SLC22A23: variants seen among roughly 807,000 people sequenced by gnomAD.
SLC22A23 encodes ion transporter protein.
In SLC22A23, 26 loss-of-function variants were observed where a neutral mutation model predicts 61.0. The ratio of observed to expected loss-of-function variants is 0.43; its 90% CI spans 0.31 to 0.59. SLC22A23 has a LOEUF of 0.59. SLC22A23 is among the 20% of genes least tolerant of loss of function. The pLI, the probability that SLC22A23 is intolerant of heterozygous loss-of-function variation, is 0.11. For synonymous variants in SLC22A23, 430 were observed against 413.9 expected (o/e 1.04, Z -0.47); for missense variants, 796 against 934.7 (o/e 0.85, Z 1.94).
At chr6:3,449,245 C>T (rs1392366630) in intron 1 of SLC22A23, among the ~76,000 whole-genome samples, 1 of 152,118 alleles carries the variant, frequency 6.6e-6, no homozygotes, top group African/African-American at 2.4e-5. Context: ...AGGATTTCCC[C>T]CCAGTCTTCC....
intron 8 of SLC22A23, 84 bp downstream of exon 8, chr6:3,284,995 C>T: frequency 6.4e-7 from 1 of 1,566,410 alleles, no homozygotes; most frequent in Non-Finnish European, 8.7e-7. Context: ...AAAATGGAAA[C>T]CACAGGTCCG....
rs576387737 is a variant in SLC22A23 at position 3,270,848 on chromosome 6, A to T, written c.*2207T>A. 3.3e-5 allele frequency: 5 copies of T among 149,878 alleles called. No homozygotes were observed. The East Asian group carries it at 7.7e-4, about 23-fold the overall frequency. The allele number at this position is 149,878 out of a possible 1,614,324, so 9.3% of individuals were successfully genotyped here. A position where few individuals can be genotyped will look rare whatever the true frequency, so the allele number is the denominator to read the frequency against. Reference sequence around the variant, plus strand: ...AGCTTCAATTTCCAAAAAAAAAAAAAAGTTTACACGACCAGTGAGACTGCT... The same window carrying T: ...AGCTTCAATTTCCAAAAAAAAAAAATAGTTTACACGACCAGTGAGACTGCT... On this transcript the variant is annotated 3_prime_UTR_variant, in exon 10 of 10. Coordinates refer to ENST00000406686, the MANE Select transcript of SLC22A23 (RefSeq NM_015482.2).
At chr6:3,448,886 G>A (rs1772042344) in intron 1 of SLC22A23, among the ~76,000 whole-genome samples, 1 of 152,050 alleles carries the variant, frequency 6.6e-6, no homozygotes, top group South Asian at 2.1e-4. Flanking sequence ...TGTTGCTACA[G>A]AGAGGCAGAG....
At chr6:3,429,534 G>C (rs1426429146) in intron 1 of SLC22A23, among the ~76,000 whole-genome samples, 1 of 152,116 alleles carries the variant, frequency 6.6e-6, no homozygotes. Flanking sequence ...TTTACACTAT[G>C]TTATCCTTTA....
chr6:3,436,208 C>G (rs894712631), intron 1 of SLC22A23, among the ~76,000 whole-genome samples: 1 of 151,812 alleles, frequency 6.6e-6, no homozygotes, highest in African/African-American at 2.4e-5. Flanking sequence ...GGTGTGATAT[C>G]GGCTCACTGC....
intron 3 of SLC22A23, among the ~76,000 whole-genome samples, chr6:3,365,621 A>G (rs1380535082): frequency 6.6e-6 from 1 of 152,186 alleles, no homozygotes; most frequent in Non-Finnish European, 1.5e-5. Context: ...AACACTAAAG[A>G]AAGCAAATTA....
intron 6 of SLC22A23, among the ~76,000 whole-genome samples, chr6:3,287,674 T>TG (rs1554134149): frequency 1.1e-4 from 7 of 61,382 alleles, no homozygotes; most frequent in Non-Finnish European, 1.8e-4. Context: ...CACAGGAAAC[T>TG]GTTTTTTTTT....
At chr6:3,389,268 C>CAAAAAA (rs61020784) in intron 3 of SLC22A23, among the ~76,000 whole-genome samples, 1 of 32,594 alleles carries the variant, frequency 3.1e-5, no homozygotes, top group African/African-American at 1.6e-4. Flanking sequence ...AACTCTGTCT[C>CAAAAAA]AAAAAAAAAA....
intron 3 of SLC22A23, among the ~76,000 whole-genome samples, chr6:3,384,575 C>T (rs1346803191): frequency 6.6e-6 from 1 of 152,180 alleles, no homozygotes; most frequent in Non-Finnish European, 1.5e-5. Flanking sequence ...ACCTTAATTA[C>T]CAAATAATTA....
intron 1 of SLC22A23, among the ~76,000 whole-genome samples, chr6:3,451,182 G>A (rs538069288): frequency 2.6e-4 from 40 of 152,342 alleles, no homozygotes; most frequent in Admixed American, 1.2e-3. Context: ...TCAGAACAAT[G>A]CAGGATACAC....
In SLC22A23 at chr6:3,322,128, T is replaced by C. The variant is rs1581688642; in HGVS notation, c.1082+1706A>G. On this transcript the variant is annotated intron_variant, in intron 4 of 9. Coordinates refer to ENST00000406686, the MANE Select transcript of SLC22A23 (RefSeq NM_015482.2). The surrounding 1 kb of genome is among the most constrained non-coding windows in gnomAD (Gnocchi z 4.1). ...TGTGGCAAGAGTTGGCCGCTTCAGG[T>C]CCAGGCTCTGACGTGAGTCAGCGGG... Among the ~76,000 whole-genome samples, 2 of 152,038 alleles carry C rather than the reference T, an allele frequency of 1.3e-5. No individual in the cohort carries two copies. Among genetic ancestry groups the C allele is most frequent in the South Asian group, 4.2e-4 (2 of 4,814 alleles).
intron 1 of SLC22A23, among the ~76,000 whole-genome samples, chr6:3,420,636 A>G (rs903627500): frequency 6.6e-6 from 1 of 152,090 alleles, no homozygotes; most frequent in African/African-American, 2.4e-5. Context: ...TACTATTTTA[A>G]AAATCTACAC....
chr6:3,329,441 G>A lies in SLC22A23; in HGVS notation c.914-5439C>T, dbSNP rs1377305758. ...GAGTACAGGATTTTTCTGGACTGGA[G>A]TTGGCAAGTAACAAAGGAATATATT... On this transcript the variant is annotated intron_variant, in intron 3 of 9. Coordinates refer to ENST00000406686, the MANE Select transcript of SLC22A23 (RefSeq NM_015482.2). This position sits in a 1 kb window ranked among gnomAD's most constrained non-coding sequence, Gnocchi z 4.8. Among the ~76,000 whole-genome samples, 2 of 152,198 alleles carry A rather than the reference G, an allele frequency of 1.3e-5. No homozygotes were observed. Among genetic ancestry groups the A allele is most frequent in the Non-Finnish European group, 2.9e-5 (2 of 68,036 alleles).
At chr6:3,277,147 G>A in intron 9 of SLC22A23, among the ~76,000 whole-genome samples, 1 of 152,224 alleles carries the variant, frequency 6.6e-6, no homozygotes, top group East Asian at 1.9e-4. Flanking sequence ...GGGCAGCTGG[G>A]TGTAGGAGGA....
At chr6:3,293,925 C>G (rs1422755486) in intron 5 of SLC22A23, among the ~76,000 whole-genome samples, 1 of 152,196 alleles carries the variant, frequency 6.6e-6, no homozygotes, top group African/African-American at 2.4e-5. Context: ...AGCCGTGCAT[C>G]CTGGCAATGC....
chr6:3,449,464 G>C (rs981533879), intron 1 of SLC22A23, among the ~76,000 whole-genome samples: 1 of 152,180 alleles, frequency 6.6e-6, no homozygotes, highest in African/African-American at 2.4e-5. Flanking sequence ...AAATACATAA[G>C]AAAATAATGC....
chr6:3,292,603 C>T (rs1760706811), intron 5 of SLC22A23, among the ~76,000 whole-genome samples: 1 of 152,210 alleles, frequency 6.6e-6, no homozygotes, highest in Non-Finnish European at 1.5e-5. Context: ...CAGGTATGTC[C>T]AAGGCCATCC....
intron 3 of SLC22A23, among the ~76,000 whole-genome samples, chr6:3,325,881 T>A (rs1265146208): frequency 6.6e-6 from 1 of 152,230 alleles, no homozygotes. Context: ...AAAGAGATAA[T>A]GTGGAAACAG....
chr6:3,398,645 T>A (rs995375212), intron 3 of SLC22A23, among the ~76,000 whole-genome samples: 2 of 151,820 alleles, frequency 1.3e-5, no homozygotes, highest in African/African-American at 4.8e-5. Flanking sequence ...CCCTGCAGCT[T>A]CGCCCAAGAG....
Sources: gnomAD v4.1 joint callset for allele counts (sites outside exome capture counted in the v4.1 genomes callset) on GRCh38, gnomAD v4.1.1 for gene constraint, Gnocchi (gnomAD v3.1) non-coding constraint, MANE v1.5 for transcripts, NCBI Gene and HGNC (gene_info 2026-07-23, HGNC 2026-07-21) for gene names.